CUEDC1: variants seen among roughly 807,000 people sequenced by gnomAD.
The protein encoded by CUEDC1 is CUE domain containing 1.
In CUEDC1, 30 loss-of-function variants were observed where a neutral mutation model predicts 43.7. The observed-to-expected ratio is 0.69, with a 90% CI of 0.51 to 0.93. The LOEUF (loss-of-function observed/expected upper bound fraction) is 0.93. Among genes scored for constraint, CUEDC1 ranks in the 40% least tolerant of loss-of-function variants. The pLI is 0.00. For missense variants in CUEDC1, 486 were observed against 549.0 expected, an observed-to-expected ratio of 0.89 and a Z score of 1.15; for synonymous variants, 223 against 223.6, an observed-to-expected ratio of 1.00 and a Z score of 0.02.
In CUEDC1 at chr17:57,954,907, G is replaced by A. The variant is rs1197224033; in HGVS notation, c.-316+318C>T. On this transcript the variant is annotated intron_variant, in intron 1 of 10. Transcript: ENST00000577830. The surrounding 1 kb of genome is among the most constrained non-coding windows in gnomAD (Gnocchi z 4.3). ...TCCCTTCCCTGCGGCGCTGGCCCGC[G>A]CCCCCCGGTCTAATCGCGCGCCCCG... is the stretch of plus-strand genomic sequence containing the variant. 6.6e-6 allele frequency among the ~76,000 whole-genome samples: 1 copy of A among 151,768 alleles called. No homozygotes were observed. Among genetic ancestry groups the A allele is most frequent in the South Asian group, 2.1e-4 (1 of 4,820 alleles).
chr17:57,940,050 T>C (rs2074903148), intron 1 of CUEDC1, among the ~76,000 whole-genome samples: 1 of 152,036 alleles, frequency 6.6e-6, no homozygotes, highest in Admixed American at 6.6e-5. Flanking sequence ...CAGTAGAGTC[T>C]GAACTGAGAG....
chr17:57,938,393 C>T (rs1366898049), intron 1 of CUEDC1, among the ~76,000 whole-genome samples: 2 of 152,202 alleles, frequency 1.3e-5, no homozygotes, highest in African/African-American at 2.4e-5. Flanking sequence ...TGCTCCATGG[C>T]CTTCCAACAA....
intron 3 of CUEDC1, among the ~76,000 whole-genome samples, chr17:57,878,242 G>C (rs920804797): frequency 6.6e-6 from 1 of 152,194 alleles, no homozygotes; most frequent in African/African-American, 2.4e-5. Flanking sequence ...CCAGCTCTTA[G>C]TCTTGGGGAA....
rs1283420013 is a variant in CUEDC1, at chr17:57,930,509, A to G, written c.-316+24716T>C. 6.6e-6 allele frequency among the ~76,000 whole-genome samples: 1 copy of G among 152,252 alleles called. No homozygotes were observed. Among genetic ancestry groups the G allele is most frequent in the Non-Finnish European group, 1.5e-5 (1 of 68,044 alleles). ...AGGCAGAGAAAAGCAGCTCAGAAGC[A>G]CTTGCAAACATTGCGAGGAACGCTA... On this transcript the variant is annotated intron_variant, in intron 1 of 10. Transcript: ENST00000577830. This position sits in a 1 kb window ranked among gnomAD's most constrained non-coding sequence, Gnocchi z 4.2.
At chr17:57,913,400 C>T (rs913396344) in intron 1 of CUEDC1, among the ~76,000 whole-genome samples, 3 of 151,938 alleles carry the variant, frequency 2.0e-5, no homozygotes, top group African/African-American at 7.3e-5. Context: ...TGGGTTCAAG[C>T]ACTCCTGCCT....
chr17:57,915,619 G>T (rs1222944140), intron 1 of CUEDC1, among the ~76,000 whole-genome samples: 2 of 152,222 alleles, frequency 1.3e-5, no homozygotes, highest in Non-Finnish European at 2.9e-5. Context: ...CAGGCAGAAA[G>T]TTGGCGCCTG....
chr17:57,879,602 G>A lies in CUEDC1; in HGVS notation c.464+9C>T. On this transcript the variant is annotated intron_variant, in intron 3 of 10. Transcript: ENST00000577830. ...CCACCCTGTGCTCTGAGACATGACA[G>A]ATTCTCACCGGGGAGGCGGAGTCGG... 6.3e-7 allele frequency: 1 copy of A among 1,586,240 alleles called. No homozygotes were observed. Among genetic ancestry groups the A allele is most frequent in the South Asian group, 1.2e-5 (1 of 86,664 alleles).
rs766842655 is a variant in CUEDC1, at chr17:57,885,257, G to C, written c.308C>G (p.Ser103Cys). The C allele has an allele frequency of 1.3e-5, 21 of 1,598,904 alleles. No individual in the cohort carries two copies. In the Admixed American group the frequency reaches 3.4e-4, roughly 26 times the overall value. ...GSSGGVYEDSSDSEDSIPPEI... is the reference protein window; with the variant it reads ...GSSGGVYEDSCDSEDSIPPEI... ...CGGGGGGATGCTGTCCTCCGAGTCG[G>C]AGCTGTCCTCATAGACGCCGCCGCT... Residue 103 changes from serine to cysteine, a missense_variant, in exon 2 of 11, where the codon TCC (serine) becomes TGC (cysteine). Coordinates refer to ENST00000577830, the MANE Select transcript of CUEDC1 (RefSeq NM_001271875.2).
chr17:57,892,484 G>C (rs539808277), intron 1 of CUEDC1: 3 of 152,502 alleles, frequency 2.0e-5, no homozygotes, highest in African/African-American at 7.2e-5. Context: ...TGGAAGGAGG[G>C]TAAGACTCCT....
chr17:57,869,001 G>A, intron 7 of CUEDC1, 121 bp downstream of exon 7: 7 of 963,630 alleles, frequency 7.3e-6, no homozygotes, highest in Non-Finnish European at 1.1e-5. Flanking sequence ...CGATGAAAAT[G>A]TCACTGGTTC....
chr17:57,871,533 G>A (rs1381184089), intron 5 of CUEDC1, among the ~76,000 whole-genome samples, 164 bp from the exon 6 acceptor site: 2 of 152,202 alleles, frequency 1.3e-5, no homozygotes, highest in Non-Finnish European at 2.9e-5. Flanking sequence ...AGCTCTCAAA[G>A]AACCAGCAGT....
At chr17:57,915,103 A>G (rs558692717) in intron 1 of CUEDC1, 1 of 152,236 alleles carries the variant, frequency 6.6e-6, no homozygotes, top group Non-Finnish European at 1.5e-5. Flanking sequence ...CCAAGTAGAG[A>G]TTTAAGGGTC....
At chr17:57,913,259 C>T (rs917100243) in intron 1 of CUEDC1, among the ~76,000 whole-genome samples, 9 of 151,404 alleles carry the variant, frequency 5.9e-5, no homozygotes, top group African/African-American at 1.2e-4. Flanking sequence ...ATCCCAGAGG[C>T]GGAGGTTGCA....
At position 57,891,263 on chromosome 17, in the gene CUEDC1, C is replaced by T. The variant is rs142808123; in HGVS notation, c.-315-5384G>A. On this transcript the variant is annotated intron_variant, in intron 1 of 10. Transcript: ENST00000577830. ...GATTCCCTCCGACCCCAACCTGCTT[C>T]TCCCCTGCCTTCTCCATCTTTGTTA... 1.5e-3 allele frequency among the ~76,000 whole-genome samples: 236 copies of T among 152,354 alleles called. 1 individual carries two copies. Among genetic ancestry groups the T allele is most frequent in the South Asian group, 9.7e-3 (47 of 4,832 alleles).
intron 10 of CUEDC1, among the ~76,000 whole-genome samples, chr17:57,865,002 A>G (rs2073936124): frequency 6.6e-6 from 1 of 152,232 alleles, no homozygotes; most frequent in Non-Finnish European, 1.5e-5. Context: ...GGTTGCAATG[A>G]GCCAAGATTG....
At chr17:57,913,145 G>T (rs955034262) in intron 1 of CUEDC1, among the ~76,000 whole-genome samples, 13 of 152,098 alleles carry the variant, frequency 8.5e-5, no homozygotes, top group Admixed American at 3.3e-4. Context: ...GGCCAACATG[G>T]TAAAACCCCG....
At chr17:57,941,814 GT>G (rs2074919260) in intron 1 of CUEDC1, among the ~76,000 whole-genome samples, 1 of 152,198 alleles carries the variant, frequency 6.6e-6, no homozygotes, top group Non-Finnish European at 1.5e-5. Context: ...CATGGAGCAA[GT>G]CCTCTTACAA....
At chr17:57,948,406 G>A (rs542736754) in intron 1 of CUEDC1, among the ~76,000 whole-genome samples, 12 of 152,080 alleles carry the variant, frequency 7.9e-5, no homozygotes, top group African/African-American at 2.4e-4. Context: ...GGAACATTGC[G>A]GGCCAGGGTC....
intron 1 of CUEDC1, among the ~76,000 whole-genome samples, chr17:57,948,996 G>A (rs1488627224): frequency 6.6e-6 from 1 of 152,172 alleles, no homozygotes; most frequent in African/African-American, 2.4e-5. Context: ...CCCAGTTCCT[G>A]CCTCACCCTG....
Sources: allele counts gnomAD v4.1 joint callset (sites outside exome capture counted in the v4.1 genomes callset), GRCh38; gene constraint gnomAD v4.1.1; non-coding constraint Gnocchi (gnomAD v3.1); transcripts MANE v1.5; gene names NCBI Gene and HGNC (gene_info 2026-07-23, HGNC 2026-07-21).